AKR1E2: variants seen among roughly 807,000 people sequenced by gnomAD.
AKR1E2 encodes the protein aldo-keto reductase family 1 member E2, also known as 1,5-anhydro-D-fructose reductase.
AKR1E2 carries 43 observed loss-of-function variants against 41.9 expected under a neutral mutation model. The observed-to-expected ratio is 1.03, with a 90% CI of 0.80 to 1.32. AKR1E2 has a LOEUF of 1.32. AKR1E2 is among the 40% of genes most tolerant of loss of function. The pLI is 0.00. For synonymous variants in AKR1E2, 121 were observed against 138.9 expected, an observed-to-expected ratio of 0.87 and a Z score of 0.91; for missense variants, 423 against 396.5, an observed-to-expected ratio of 1.07 and a Z score of -0.57.
chr10:4,859,886 A>G, the AKR1E2 span, among the ~76,000 whole-genome samples: 1 of 152,340 alleles, frequency 6.6e-6, no homozygotes, highest in East Asian at 1.9e-4. Context: ...CACTCCATGC[A>G]TGTGCAGGTG....
At position 4,833,334 on chromosome 10, in the gene AKR1E2, C is replaced by G. The variant is rs1370242938; in HGVS notation, c.208-16C>G. On this transcript the variant is annotated splice_polypyrimidine_tract_variant and intron_variant, in intron 2 of 9. Coordinates refer to ENST00000298375, the MANE Select transcript of AKR1E2 (RefSeq NM_001040177.3). The stretch of plus-strand genomic sequence containing the variant: ...CTGGGTGGGCACGTGTGACGCTGGT[C>G]CCCTCTCCTTTGTAGCTGTGGTGCA... 1 of 1,605,690 alleles carries G rather than the reference C, an allele frequency of 6.2e-7. No individual in the cohort carries two copies. The highest frequency in any genetic ancestry group is 8.5e-7 in the Non-Finnish European group (1 of 1,172,386).
intron 8 of AKR1E2, among the ~76,000 whole-genome samples, chr10:4,845,236 A>T (rs116006525): frequency 0.017 from 2,582 of 152,108 alleles, 57 homozygotes; most frequent in African/African-American, 0.058. Flanking sequence ...GCCCACACCC[A>T]CCCGGAATTC....
chr10:4,865,940 T>C, the AKR1E2 span, among the ~76,000 whole-genome samples: 1 of 152,176 alleles, frequency 6.6e-6, no homozygotes, highest in Non-Finnish European at 1.5e-5. Context: ...TTGAAAACAA[T>C]TTCTAGAAAG....
intron 9 of AKR1E2, 31 bp from the exon 10 acceptor site, chr10:4,847,457 C>T: frequency 6.2e-7 from 1 of 1,605,546 alleles, no homozygotes; most frequent in African/African-American, 1.3e-5. Context: ...ATTCTTTGTT[C>T]CTATTTTTGA....
Position 4,842,652 on chromosome 10 carries a change from T to TC in AKR1E2, c.837+151dup, listed in dbSNP as rs34722294. 23,527 of 656,108 alleles carry TC rather than the reference T, an allele frequency of 0.036. 690 individuals carry two copies. Among genetic ancestry groups the TC allele is most frequent in the East Asian group, 0.12 (4,039 of 35,108 alleles). 40.6% of individuals were successfully genotyped at this position (656,108 alleles called of 1,614,324 possible). ...CACTGTGGGTGTTGGTGGTTGACCT[T>TC]CCCTCAGCGATCAAAGGACCCAGGC... On this transcript the variant is annotated intron_variant, in intron 8 of 9. Transcript: ENST00000298375.
At position 4,846,399 on chromosome 10, in the gene AKR1E2, T is replaced by C. The variant is rs148963477; in HGVS notation, c.838-749T>C. On this transcript the variant is annotated intron_variant, in intron 8 of 9. Transcript: ENST00000298375. ...ACTATTTTCAAGGAAGAAAAATGGA[T>C]CACTCAGAAAATGTACTCTGTGATA... is the stretch of plus-strand genomic sequence containing the variant. Among the ~76,000 whole-genome samples the C allele has an allele frequency of 2.6e-4, 40 of 152,246 alleles. No homozygotes were observed. The East Asian group carries it at 5.8e-3, about 22-fold the overall frequency.
chr10:4,828,360 T>C (rs1193194069), intron 1 of AKR1E2, among the ~76,000 whole-genome samples: 1 of 152,204 alleles, frequency 6.6e-6, no homozygotes, highest in African/African-American at 2.4e-5. Flanking sequence ...GCCTGGGCTC[T>C]TCATTATTAG....
chr10:4,835,800 C>G lies in AKR1E2; in HGVS notation c.450C>G (p.Asp150Glu). The G allele has an allele frequency of 1.2e-6, 2 of 1,613,942 alleles. No homozygotes were observed. Among genetic ancestry groups the G allele is most frequent in the South Asian group, 2.2e-5 (2 of 91,080 alleles). Residue 150 changes from aspartate to glutamate, a missense_variant, in exon 4 of 10, where the codon GAC becomes GAG. Asp to Glu is a conservative substitution (Grantham distance 45). Coordinates refer to ENST00000298375, the MANE Select transcript of AKR1E2 (RefSeq NM_001040177.3). ...TTCCCAGTGACACGGACTTCCTGGA[C>G]ACGTGGGAGGTGAGCTGAGCCACAC... The part of the protein sequence containing the change: ...MVIPSDTDFL[D>E]TWEAMEDLVI...
Position 4,837,444 on chromosome 10 carries a change from G to A in AKR1E2, c.460-15G>A. 1 of 1,613,624 alleles carries A rather than the reference G, an allele frequency of 6.2e-7. No individual in the cohort carries two copies. The highest frequency in any genetic ancestry group is 2.2e-5 in the East Asian group (1 of 44,852). On this transcript the variant is annotated splice_polypyrimidine_tract_variant and intron_variant, in intron 4 of 9. Transcript: ENST00000298375. ...AGACAGAAGCTTCACACCCAGCAGA[G>A]TCGTTCTCTTATAGGCCATGGAGGA...
the AKR1E2 span, among the ~76,000 whole-genome samples, chr10:4,858,571 C>A: frequency 6.6e-6 from 1 of 152,038 alleles, no homozygotes; most frequent in African/African-American, 2.4e-5. Flanking sequence ...GAAGATCAGG[C>A]CAGGGTGGTG....
intron 8 of AKR1E2, chr10:4,845,926 C>T (rs1834301583): frequency 2.2e-6 from 1 of 457,492 alleles, no homozygotes; most frequent in Admixed American, 2.4e-5. Context: ...AGTGCTTATG[C>T]TGTCAGGAGG....
chr10:4,854,489 TC>T, the AKR1E2 span, among the ~76,000 whole-genome samples: 1 of 152,176 alleles, frequency 6.6e-6, no homozygotes, highest in South Asian at 2.1e-4. Flanking sequence ...CTTGGGGTCT[TC>T]TTCCAGACCC....
chr10:4,835,050 T>C (rs1235578355), intron 3 of AKR1E2, among the ~76,000 whole-genome samples: 1 of 152,250 alleles, frequency 6.6e-6, no homozygotes, highest in African/African-American at 2.4e-5. Context: ...CTTCCACTGT[T>C]GTTTAGGAGT....
the AKR1E2 span, among the ~76,000 whole-genome samples, chr10:4,861,943 C>A: frequency 6.6e-6 from 1 of 152,164 alleles, no homozygotes; most frequent in Non-Finnish European, 1.5e-5. Flanking sequence ...AATTAGATCC[C>A]ATTTGTCAAT....
the AKR1E2 span, among the ~76,000 whole-genome samples, chr10:4,854,725 A>G: frequency 6.6e-6 from 1 of 152,246 alleles, no homozygotes; most frequent in African/African-American, 2.4e-5. Flanking sequence ...CAGGTAAAGA[A>G]TGGGATTTGG....
At chr10:4,855,451 A>T in the AKR1E2 span, among the ~76,000 whole-genome samples, 2 of 152,158 alleles carry the variant, frequency 1.3e-5, no homozygotes, top group African/African-American at 4.8e-5. Flanking sequence ...CCCAGAAAAA[A>T]ACCGGATGAG....
At chr10:4,864,713 T>C in the AKR1E2 span, among the ~76,000 whole-genome samples, 6,627 of 152,210 alleles carry the variant, frequency 0.044, 155 homozygotes, top group African/African-American at 0.075. Flanking sequence ...GAAAACCCCA[T>C]CGTCTCAGCC....
At chr10:4,838,837 T>C (rs1252455036) in intron 5 of AKR1E2, among the ~76,000 whole-genome samples, 1 of 152,156 alleles carries the variant, frequency 6.6e-6, no homozygotes, top group Admixed American at 6.5e-5. Flanking sequence ...GTTCAGCACT[T>C]TAAATACCTG....
At chr10:4,855,346 G>C in the AKR1E2 span, among the ~76,000 whole-genome samples, 1 of 152,210 alleles carries the variant, frequency 6.6e-6, no homozygotes, top group Non-Finnish European at 1.5e-5. Context: ...TCATAAGGAG[G>C]AGTATCTTAG....
Sources: allele counts gnomAD v4.1 joint callset (sites outside exome capture counted in the v4.1 genomes callset), GRCh38; gene constraint gnomAD v4.1.1; transcripts MANE v1.5; gene names NCBI Gene and HGNC (gene_info 2026-07-23, HGNC 2026-07-21).